The following OTUD7A variants were observed in gnomAD, a reference collection of about 807,000 sequenced individuals.
The protein encoded by OTUD7A is OTU deubiquitinase 7A.
OTUD7A carries 12 observed loss-of-function variants against 65.7 expected under a neutral mutation model. The ratio of observed to expected loss-of-function variants is 0.18; its 90% CI spans 0.12 to 0.30. The LOEUF (loss-of-function observed/expected upper bound fraction) is 0.30, where lower values mean the gene tolerates loss of function less well. Ranked by LOEUF, OTUD7A falls within the 10% of genes least tolerant of loss-of-function variation. The probability of loss-of-function intolerance (pLI) is 1.00; values close to 1 mark genes in which losing one functional copy is unlikely to be tolerated. For synonymous variants in OTUD7A, 641 were observed against 586.3 expected, an observed-to-expected ratio of 1.09 and a Z score of -1.35; for missense variants, 1,148 against 1,304.8, an observed-to-expected ratio of 0.88 and a Z score of 1.85.
At position 31,570,112 on chromosome 15, in the gene OTUD7A, A is replaced by G. The variant is rs1395252321; in HGVS notation, c.237T>C (p.Asn79=). 8 of 1,614,036 alleles carry G rather than the reference A, an allele frequency of 5.0e-6. No individual in the cohort carries two copies. In the Admixed American group the frequency reaches 8.3e-5, roughly 17 times the overall value. ...VHTANLPHVF[N]EGRGPKQPER... ...CTGGCTGCTTGGGACCCCGCCCTTC[A>G]TTGAACACATGTGGCAGATTGGCTG... The change falls in exon 4 of 13, where the codon AAT becomes AAC. Residue 79 remains asparagine (N), a synonymous_variant. Coordinates refer to ENST00000307050, the MANE Select transcript of OTUD7A (RefSeq NM_001382637.1).
At chr15:31,634,381 T>C (rs1222729375) in intron 3 of OTUD7A, among the ~76,000 whole-genome samples, 1 of 152,062 alleles carries the variant, frequency 6.6e-6, no homozygotes, top group African/African-American at 2.4e-5. Flanking sequence ...GCGTTGGGTG[T>C]CTCCTCTTCC....
chr15:31,759,762 A>C (rs1249981927), intron 1 of OTUD7A, among the ~76,000 whole-genome samples: 1 of 152,118 alleles, frequency 6.6e-6, no homozygotes, highest in East Asian at 1.9e-4. Flanking sequence ...TCCTGACCTC[A>C]AGTGATCCTG....
At chr15:31,630,724 G>C (rs1352702063) in intron 3 of OTUD7A, among the ~76,000 whole-genome samples, 1 of 152,120 alleles carries the variant, frequency 6.6e-6, no homozygotes, top group Non-Finnish European at 1.5e-5. Context: ...GGGAGTCTAA[G>C]TCTCTTTGTA....
In OTUD7A at chr15:31,793,053, A is replaced by G. The variant is rs893200828; in HGVS notation, c.-100+77454T>C. On this transcript the variant is annotated intron_variant, in intron 1 of 12. Transcript: ENST00000307050. ...TGTGGGCACAGGAAATGAGCCCCAA[A>G]CTGATTCGACCCATGACACCACTGC... Among the ~76,000 whole-genome samples the G allele has an allele frequency of 6.6e-5, 10 of 152,152 alleles. No homozygotes were observed. The East Asian group carries it at 1.7e-3, about 26-fold the overall frequency.
At chr15:31,703,151 C>T (rs1005053151) in intron 1 of OTUD7A, among the ~76,000 whole-genome samples, 2 of 151,912 alleles carry the variant, frequency 1.3e-5, no homozygotes, top group Non-Finnish European at 2.9e-5. Context: ...GACTACAAAA[C>T]TTTTTGAAAA....
intron 1 of OTUD7A, among the ~76,000 whole-genome samples, chr15:31,668,350 AT>A (rs1333744163): frequency 6.6e-6 from 1 of 151,704 alleles, no homozygotes; most frequent in African/African-American, 2.4e-5. Context: ...TTTTCTTATT[AT>A]TTTTTCTTTG....
chr15:31,807,462 T>G (rs2140956107), intron 1 of OTUD7A, among the ~76,000 whole-genome samples: 1 of 152,290 alleles, frequency 6.6e-6, no homozygotes, highest in South Asian at 2.1e-4. Flanking sequence ...TGTTATTTTC[T>G]TTGACTGTCC....
At chr15:31,524,624 G>A (rs1169165726) in intron 8 of OTUD7A, among the ~76,000 whole-genome samples, 5 of 151,886 alleles carry the variant, frequency 3.3e-5, no homozygotes, top group Admixed American at 6.6e-5. Flanking sequence ...TCCTGATGGG[G>A]TCACTCCCAT....
At chr15:31,777,805 G>A (rs1895426491) in intron 1 of OTUD7A, among the ~76,000 whole-genome samples, 1 of 152,198 alleles carries the variant, frequency 6.6e-6, no homozygotes, top group Non-Finnish European at 1.5e-5. Flanking sequence ...AACTCTGAAA[G>A]CTGTGTGCAA....
rs777414163 is a variant in OTUD7A at position 31,549,161 on chromosome 15, G to C, written c.550+9808C>G. On this transcript the variant is annotated intron_variant, in intron 5 of 12. Transcript: ENST00000307050. ...AAAAAAAAAAAAAAAAAAAAAAGTA[G>C]AATTCAGTCCAAATGCATGCCTGCC... 5.0e-3 allele frequency among the ~76,000 whole-genome samples: 721 copies of C among 143,014 alleles called. 13 individuals carry two copies. Among genetic ancestry groups the C allele is most frequent in the Non-Finnish European group, 5.2e-3 (345 of 66,116 alleles). 93.8% of individuals were successfully genotyped at this position (143,014 alleles called of 152,430 possible). A position where few individuals can be genotyped will look rare whatever the true frequency, so the allele number is the denominator to read the frequency against.
intron 4 of OTUD7A, among the ~76,000 whole-genome samples, chr15:31,560,529 A>G (rs1418608885): frequency 6.6e-6 from 1 of 152,258 alleles, no homozygotes. Context: ...AACATTGAAC[A>G]TAAAACAAGA....
intron 1 of OTUD7A, among the ~76,000 whole-genome samples, chr15:31,753,702 T>TATAA (rs1206556359): frequency 4.5e-4 from 5 of 11,182 alleles, no homozygotes; most frequent in Admixed American, 4.2e-3. Context: ...TATATATATA[T>TATAA]TATATATATA....
rs548575719 is a variant in OTUD7A, at chr15:31,733,184, C to T, written c.-99-76107G>A. 2.0e-5 allele frequency among the ~76,000 whole-genome samples: 3 copies of T among 152,258 alleles called. No homozygotes were observed. In the East Asian group the frequency reaches 5.8e-4, roughly 29 times the overall value. ...CCTTACATCTTAACTCAATGGATTG[C>T]TGTGAGGGTGAACTGAGACAAACAC... On this transcript the variant is annotated intron_variant, in intron 1 of 12. Transcript: ENST00000307050.
chr15:31,579,358 T>C (rs1407595922), intron 3 of OTUD7A, among the ~76,000 whole-genome samples: 1 of 152,222 alleles, frequency 6.6e-6, no homozygotes, highest in East Asian at 1.9e-4. Flanking sequence ...TTATCCAAAT[T>C]GCCAGTATCA....
Position 31,484,282 on chromosome 15 carries a change from G to A in OTUD7A, c.1814C>T (p.Ala605Val). 1.3e-6 allele frequency: 2 copies of A among 1,592,810 alleles called. No individual in the cohort carries two copies. Among genetic ancestry groups the A allele is most frequent in the Non-Finnish European group, 1.7e-6 (2 of 1,173,822 alleles). The change falls in exon 13 of 13, where the codon GCG (alanine) becomes GTG (valine). Residue 605 changes from alanine (A) to valine (V), a missense_variant. Physicochemically the swap from Ala to Val is moderately conservative, Grantham distance 64. Around this residue, in one of 6 missense-constraint regions of OTUD7A, gnomAD observed 842 missense variants for 769.5 expected, o/e 1.09. Coordinates refer to ENST00000307050, the MANE Select transcript of OTUD7A (RefSeq NM_001382637.1). The surrounding 1 kb of genome is among the most constrained non-coding windows in gnomAD (Gnocchi z 4.5). ...TPSPTDKAAG[A>V]SPAEKGGGPR... ...CCCACCGCCCTTCTCCGCCGGCGAC[G>A]CGCCCGCTGCCTTGTCTGTGGGCGA...
At chr15:31,648,846 C>T (rs1469897047) in intron 3 of OTUD7A, among the ~76,000 whole-genome samples, 6 of 152,156 alleles carry the variant, frequency 3.9e-5, no homozygotes, top group East Asian at 1.9e-4. Flanking sequence ...CTACAACCTC[C>T]GCCTCCTGGG....
At chr15:31,570,442 TACACACACACACACACAC>T (rs57517466) in intron 3 of OTUD7A, among the ~76,000 whole-genome samples, 36,991 of 143,268 alleles carry the variant, frequency 0.26, 5,234 homozygotes, top group East Asian at 0.64. Flanking sequence ...TTTAGGTTCA[TACACACACACACACACAC>T]ACACACACAC....
At chr15:31,618,382 T>C (rs1234015606) in intron 3 of OTUD7A, among the ~76,000 whole-genome samples, 2 of 152,250 alleles carry the variant, frequency 1.3e-5, no homozygotes, top group Non-Finnish European at 2.9e-5. Flanking sequence ...TGAACTAGTT[T>C]ACAGTCCAAC....
chr15:31,779,301 C>A (rs16955892), intron 1 of OTUD7A, among the ~76,000 whole-genome samples: 1 of 152,134 alleles, frequency 6.6e-6, no homozygotes, highest in Non-Finnish European at 1.5e-5. Flanking sequence ...GGAATCGTCA[C>A]GCTGGCACTA....
Sources: allele counts gnomAD v4.1 joint callset (sites outside exome capture counted in the v4.1 genomes callset), GRCh38; gene constraint gnomAD v4.1.1; regional missense constraint gnomAD v4.1.1; non-coding constraint Gnocchi (gnomAD v3.1); transcripts MANE v1.5; gene names NCBI Gene and HGNC (gene_info 2026-07-23, HGNC 2026-07-21).